Variants in ACVR1C observed in about 807,000 individuals in gnomAD.
ACVR1C encodes activin receptor type-1C.
In ACVR1C, 23 loss-of-function variants were observed where a neutral mutation model predicts 57.9. The ratio of observed to expected loss-of-function variants is 0.40; its 90% confidence interval spans 0.29 to 0.56. ACVR1C has a LOEUF of 0.56. ACVR1C is among the 20% of genes least tolerant of loss of function. ACVR1C has a pLI of 0.50. For synonymous variants in ACVR1C, 214 were observed against 215.3 expected, an observed-to-expected ratio of 0.99 and a Z score of 0.05; for missense variants, 480 against 607.9, an observed-to-expected ratio of 0.79 and a Z score of 2.21.
chr2:157,625,959 C>T lies in ACVR1C; in HGVS notation c.73+2613G>A, dbSNP rs528820596. Among the ~76,000 whole-genome samples the T allele has an allele frequency of 9.9e-5, 15 of 152,180 alleles. No homozygotes were observed. The South Asian group carries it at 3.1e-3, about 32-fold the overall frequency. Reference sequence around the variant, plus strand: ...CATAACCAGAGCAACTCAGAGGAGCCTGAGTTTTTCGTTGCTCTTGTTTTT... The same window carrying T: ...CATAACCAGAGCAACTCAGAGGAGCTTGAGTTTTTCGTTGCTCTTGTTTTT... On this transcript the variant is annotated intron_variant, in intron 1 of 8. Transcript: ENST00000243349.
intron 2 of ACVR1C, among the ~76,000 whole-genome samples, chr2:157,586,617 T>C (rs1688927641): frequency 6.6e-6 from 1 of 152,140 alleles, no homozygotes; most frequent in African/African-American, 2.4e-5. Context: ...GATAAAGCAC[T>C]GTATAATATG....
intron 1 of ACVR1C, among the ~76,000 whole-genome samples, chr2:157,588,882 T>TATATATATATATAC (rs1165852661): frequency 7.4e-5 from 10 of 135,138 alleles, no homozygotes; most frequent in African/African-American, 2.2e-4. Context: ...TATATATACG[T>TATATATATATATAC]GTGTGTGTAT....
intron 1 of ACVR1C, among the ~76,000 whole-genome samples, chr2:157,624,142 T>C (rs1314020898): frequency 6.6e-6 from 1 of 152,188 alleles, no homozygotes; most frequent in East Asian, 1.9e-4. Context: ...CATTAATCAT[T>C]TGGTAGGTCA....
At chr2:157,603,040 G>T (rs1378950820) in intron 1 of ACVR1C, among the ~76,000 whole-genome samples, 2 of 152,086 alleles carry the variant, frequency 1.3e-5, no homozygotes, top group Non-Finnish European at 2.9e-5. Context: ...GTGGGGTCTG[G>T]GTAAACACCC....
rs185564918 is a variant in ACVR1C at position 157,539,214 on chromosome 2, A to G, written c.1226-511T>C. The stretch of plus-strand genomic sequence containing the variant: ...ACAAAACAGCTTTCTCTCTTTGAAA[A>G]CTTTTAGGCAATCTTTTTAACGTTG... On this transcript the variant is annotated intron_variant, in intron 7 of 8. Transcript: ENST00000243349. 2.7e-3 allele frequency among the ~76,000 whole-genome samples: 416 copies of G among 152,142 alleles called. 1 individual carries two copies. The highest frequency in any genetic ancestry group is 5.0e-3 in the Non-Finnish European group (337 of 67,962).
At chr2:157,566,642 G>A (rs1426697084) in intron 2 of ACVR1C, among the ~76,000 whole-genome samples, 2 of 151,846 alleles carry the variant, frequency 1.3e-5, no homozygotes, top group Non-Finnish European at 2.9e-5. Context: ...CGAATATTGC[G>A]CTTTTCAGAC....
chr2:157,623,201 G>A (rs951984919), intron 1 of ACVR1C, among the ~76,000 whole-genome samples: 7 of 152,114 alleles, frequency 4.6e-5, no homozygotes, highest in Non-Finnish European at 1.0e-4. Context: ...CCCTTTGGAG[G>A]TTCCTCAAAA....
chr2:157,534,064 A>T, intron 8 of ACVR1C, 21 bp from the exon 9 acceptor site: 1 of 1,509,982 alleles, frequency 6.6e-7, no homozygotes, highest in Non-Finnish European at 8.8e-7. Flanking sequence ...GAAAAAAAAA[A>T]TCAAAGACTT....
intron 1 of ACVR1C, among the ~76,000 whole-genome samples, chr2:157,610,373 C>T (rs545521339): frequency 4.9e-4 from 75 of 152,172 alleles, no homozygotes; most frequent in Non-Finnish European, 4.1e-4. Context: ...TCATTCCATT[C>T]TCTTGTGGCC....
rs1687390292 is a variant in ACVR1C at position 157,532,887 on chromosome 2, C to T, written c.*1031G>A. The T allele has an allele frequency of 6.6e-6, 1 of 152,074 alleles. No homozygotes were observed. The highest frequency in any genetic ancestry group is 1.5e-5 in the Non-Finnish European group (1 of 68,006). The allele number at this position is 152,074 out of a possible 1,614,324, so 9.4% of individuals were successfully genotyped here. ...GTATGTACAAAGGAAATAGGGACCT[C>T]TGAATTGTATCTTAAAGACATTTTC... On this transcript the variant is annotated 3_prime_UTR_variant, in exon 9 of 9. Transcript: ENST00000243349.
In ACVR1C at chr2:157,553,180, C is replaced by T. The variant is rs139293085; in HGVS notation, c.545-2788G>A. Among the ~76,000 whole-genome samples the T allele has an allele frequency of 4.5e-3, 680 of 152,236 alleles. 5 individuals carry two copies. The highest frequency in any genetic ancestry group is 6.1e-3 in the Non-Finnish European group (412 of 68,018). On this transcript the variant is annotated intron_variant, in intron 3 of 8. Transcript: ENST00000243349. ...AAGAAAAGCAGAGGGAATCAGACTC[C>T]CCCCTCCTCCAATCCCCTCCCTACA...
rs373682805 is a variant in ACVR1C at position 157,554,962 on chromosome 2, A to G, written c.544+1131T>C. Among the ~76,000 whole-genome samples the G allele has an allele frequency of 7.9e-5, 12 of 152,098 alleles. 1 individual carries two copies. Among genetic ancestry groups the G allele is most frequent in the African/African-American group, 2.9e-4 (12 of 41,474 alleles). The stretch of plus-strand genomic sequence containing the variant: ...TTTTAGGGAGTTTGTTATTCTGGGG[A>G]AAACTGTCCCCCCACTCCGCCAACC... On this transcript the variant is annotated intron_variant, in intron 3 of 8. Coordinates refer to ENST00000243349, the MANE Select transcript of ACVR1C (RefSeq NM_145259.3).
chr2:157,604,159 T>C (rs971896674), intron 1 of ACVR1C, among the ~76,000 whole-genome samples: 2 of 152,098 alleles, frequency 1.3e-5, no homozygotes, highest in Non-Finnish European at 2.9e-5. Flanking sequence ...GCCAGGTTTA[T>C]TGAGATGTAA....
intron 1 of ACVR1C, 71 bp downstream of exon 1, chr2:157,628,501 C>G (rs1682954729): frequency 4.6e-6 from 7 of 1,521,572 alleles, no homozygotes; most frequent in Admixed American, 3.8e-5. Flanking sequence ...GTCCCCCACC[C>G]CCGTGCTCAC....
At chr2:157,574,633 G>A (rs1476941066) in intron 2 of ACVR1C, among the ~76,000 whole-genome samples, 1 of 151,938 alleles carries the variant, frequency 6.6e-6, no homozygotes, top group East Asian at 1.9e-4. Flanking sequence ...ACCTTCTATG[G>A]GCAGGTAGAC....
Position 157,628,687 on chromosome 2 carries a change from G to A in ACVR1C, c.-43C>T. 2 of 1,487,572 alleles carry A rather than the reference G, an allele frequency of 1.3e-6. No homozygotes were observed. The highest frequency in any genetic ancestry group is 1.8e-6 in the Non-Finnish European group (2 of 1,120,128). The allele number at this position is 1,487,572 out of a possible 1,614,324, so 92.1% of individuals were successfully genotyped here. ...GCCGGGGCTGCGAGGCCCCAGAGCA[G>A]AGCGAGGCAGCCGGGGCAGCACGGC... On this transcript the variant is annotated 5_prime_UTR_variant, in exon 1 of 9. Transcript: ENST00000243349.
At chr2:157,554,554 G>A (rs1468733352) in intron 3 of ACVR1C, among the ~76,000 whole-genome samples, 3 of 152,176 alleles carry the variant, frequency 2.0e-5, no homozygotes, top group African/African-American at 7.2e-5. Flanking sequence ...TACCTAATGT[G>A]TACAGTGATG....
rs60269781 is a variant in ACVR1C at position 157,555,101 on chromosome 2, C to CTTTT, written c.544+988_544+991dup. Among the ~76,000 whole-genome samples the CTTTT allele has an allele frequency of 2.2e-3, 183 of 83,940 alleles. 29 individuals carry two copies. The highest frequency in any genetic ancestry group is 9.9e-3 in the African/African-American group (167 of 16,848). 55.1% of individuals were successfully genotyped at this position (83,940 alleles called of 152,430 possible). The stretch of plus-strand genomic sequence containing the variant: ...ATAATACAGCCTGGTACTTTGAACG[C>CTTTT]TTTTTTTTTTTTTTTTTTTTTTTTT... On this transcript the variant is annotated intron_variant, in intron 3 of 8. Transcript: ENST00000243349.
intron 2 of ACVR1C, among the ~76,000 whole-genome samples, chr2:157,564,357 A>T (rs919362950): frequency 6.6e-6 from 1 of 152,240 alleles, no homozygotes; most frequent in Non-Finnish European, 1.5e-5. Flanking sequence ...CATATGAAAA[A>T]GGCTCAACAT....
Sources: gnomAD v4.1 joint callset for allele counts (sites outside exome capture counted in the v4.1 genomes callset) on GRCh38, gnomAD v4.1.1 for gene constraint, MANE v1.5 for transcripts, NCBI Gene and HGNC (gene_info 2026-07-23, HGNC 2026-07-21) for gene names.